CRACDL: variants seen among roughly 807,000 people sequenced by gnomAD.
The protein encoded by CRACDL is CRACD-like protein.
A neutral mutation model predicts 70.6 loss-of-function variants in CRACDL; 26 were observed. The observed-to-expected ratio is 0.37, with a 90% CI of 0.27 to 0.51. The LOEUF (loss-of-function observed/expected upper bound fraction) is 0.51, where lower values mean the gene tolerates loss of function less well. Ranked by LOEUF, CRACDL falls within the 20% of genes least tolerant of loss-of-function variation. The pLI is 0.94. For synonymous variants in CRACDL, 618 were observed against 615.2 expected, an observed-to-expected ratio of 1.00 and a Z score of -0.07; for missense variants, 1,283 against 1,376.9, an observed-to-expected ratio of 0.93 and a Z score of 1.08.
Position 98,838,115 on chromosome 2 carries a change from T to C in CRACDL, c.239+4A>G. The C allele has an allele frequency of 6.3e-7, 1 of 1,597,334 alleles. No homozygotes were observed. The highest frequency in any genetic ancestry group is 8.5e-7 in the Non-Finnish European group (1 of 1,173,312). ...TGGCCCGAGGGATGTAAAATGCAAC[T>C]TACTCCAGCTCATCCTCGGAGTCGT... On this transcript the variant is annotated splice_donor_region_variant and intron_variant, in intron 3 of 9. Coordinates refer to ENST00000397899, the MANE Select transcript of CRACDL (RefSeq NM_207362.3).
At chr2:98,799,065 C>T (rs1575316826) in intron 7 of CRACDL, among the ~76,000 whole-genome samples, 2 of 152,156 alleles carry the variant, frequency 1.3e-5, no homozygotes, top group African/African-American at 2.4e-5. Flanking sequence ...TTGCCTGCCA[C>T]GGGATAAAAC....
At chr2:98,891,630 C>A (rs1203448248) in intron 1 of CRACDL, among the ~76,000 whole-genome samples, 1 of 151,922 alleles carries the variant, frequency 6.6e-6, no homozygotes, top group African/African-American at 2.4e-5. Context: ...CAATGTAAAT[C>A]CTGGATATTT....
At chr2:98,815,995 T>C (rs1235848752) in intron 7 of CRACDL, among the ~76,000 whole-genome samples, 5 of 152,194 alleles carry the variant, frequency 3.3e-5, no homozygotes, top group South Asian at 2.1e-4. Flanking sequence ...TGGTGTTCAC[T>C]TGGAGTAGGG....
At chr2:98,880,077 A>G (rs987240899) in intron 1 of CRACDL, among the ~76,000 whole-genome samples, 1 of 152,234 alleles carries the variant, frequency 6.6e-6, no homozygotes, top group Non-Finnish European at 1.5e-5. Context: ...AGTACTTGGT[A>G]GGTGTTAAAT....
At chr2:98,857,689 T>C (rs1474921673) in intron 1 of CRACDL, among the ~76,000 whole-genome samples, 2 of 152,136 alleles carry the variant, frequency 1.3e-5, no homozygotes, top group African/African-American at 4.8e-5. Context: ...AAAATGGAAT[T>C]TGTAGATTTA....
At chr2:98,879,357 C>T (rs12467189) in intron 1 of CRACDL, among the ~76,000 whole-genome samples, 60,463 of 151,966 alleles carry the variant, frequency 0.4, 13,007 homozygotes, top group African/African-American at 0.56. Flanking sequence ...AGTTGATTTT[C>T]TTTGAACTGT....
chr2:98,835,656 T>C (rs1206150146), intron 3 of CRACDL, among the ~76,000 whole-genome samples: 2 of 152,042 alleles, frequency 1.3e-5, no homozygotes, highest in Admixed American at 6.5e-5. Context: ...CAGGAGTTGC[T>C]AGGGGGCCAC....
intron 7 of CRACDL, among the ~76,000 whole-genome samples, chr2:98,811,144 C>T (rs913282820): frequency 2.1e-4 from 32 of 152,004 alleles, no homozygotes; most frequent in Non-Finnish European, 1.0e-4. Flanking sequence ...TGGTGCGGTT[C>T]CCCCTGGGGA....
chr2:98,855,961 A>G (rs963158158), intron 1 of CRACDL, among the ~76,000 whole-genome samples: 6 of 152,202 alleles, frequency 3.9e-5, no homozygotes, highest in African/African-American at 1.4e-4. Flanking sequence ...AAAAATGAAC[A>G]GAGACTCAGA....
Position 98,823,208 on chromosome 2 carries a change from CG to C in CRACDL, c.1064del (p.Pro355ArgfsTer144). On this transcript the variant is annotated frameshift_variant, in exon 7 of 10. Coordinates refer to ENST00000397899, the MANE Select transcript of CRACDL (RefSeq NM_207362.3). LOFTEE classifies it high-confidence loss of function. The surrounding 1 kb of genome is among the most constrained non-coding windows in gnomAD (Gnocchi z 4.0). ...ESAPTLRVEP[P>X]SPPEGPPNPG... ...GATTCGGGGGGCCCTCCGGCGGGGA[CG>C]GGGGCTCCACGCGGAGAGTGGGGGC... The C allele has an allele frequency of 2.8e-6, 4 of 1,428,298 alleles. No homozygotes were observed. The highest frequency in any genetic ancestry group is 2.8e-5 in the Admixed American group (1 of 35,556). 88.5% of individuals were successfully genotyped at this position (1,428,298 alleles called of 1,614,324 possible).
intron 1 of CRACDL, among the ~76,000 whole-genome samples, chr2:98,857,125 T>C (rs560867051): frequency 2.0e-5 from 3 of 152,316 alleles, no homozygotes; most frequent in Non-Finnish European, 4.4e-5. Context: ...AGGTGCAATT[T>C]GCATAGTCAT....
intron 7 of CRACDL, among the ~76,000 whole-genome samples, chr2:98,817,538 G>GT (rs764054545): frequency 2.0e-5 from 3 of 152,180 alleles, no homozygotes; most frequent in Non-Finnish European, 4.4e-5. Flanking sequence ...GAAAATGGCT[G>GT]TGACATACAA....
intron 1 of CRACDL, among the ~76,000 whole-genome samples, chr2:98,890,498 A>T (rs1397084976): frequency 1.3e-5 from 2 of 152,234 alleles, no homozygotes; most frequent in Admixed American, 1.3e-4. Flanking sequence ...TTGAATTAAG[A>T]CTTTTAAAAC....
At chr2:98,911,692 G>A (rs543799300) in intron 1 of CRACDL, among the ~76,000 whole-genome samples, 23 of 152,220 alleles carry the variant, frequency 1.5e-4, no homozygotes, top group Admixed American at 3.3e-4. Context: ...TTGTGAACCC[G>A]AATGCTGGTG....
chr2:98,907,848 T>C (rs961276338), intron 1 of CRACDL, among the ~76,000 whole-genome samples: 9 of 152,226 alleles, frequency 5.9e-5, no homozygotes, highest in African/African-American at 2.2e-4. Context: ...AAGGTGACTC[T>C]GGTTGCTGCA....
intron 1 of CRACDL, among the ~76,000 whole-genome samples, chr2:98,854,359 T>TA (rs1477683769): frequency 7.3e-6 from 1 of 136,624 alleles, no homozygotes; most frequent in Non-Finnish European, 1.6e-5. Context: ...AAATATTAAA[T>TA]AAAAAATATA....
intron 1 of CRACDL, among the ~76,000 whole-genome samples, chr2:98,919,397 G>A (rs1708744349): frequency 6.6e-6 from 1 of 152,104 alleles, no homozygotes; most frequent in Non-Finnish European, 1.5e-5. Flanking sequence ...TCATTAAGAA[G>A]TTCATTCACA....
intron 7 of CRACDL, among the ~76,000 whole-genome samples, chr2:98,816,666 G>T (rs993755745): frequency 6.6e-6 from 1 of 152,120 alleles, no homozygotes; most frequent in Non-Finnish European, 1.5e-5. Context: ...AGGAGAGGTC[G>T]CTTTGTACTG....
chr2:98,893,075 T>C (rs1258735731), intron 1 of CRACDL, among the ~76,000 whole-genome samples: 2 of 152,282 alleles, frequency 1.3e-5, no homozygotes, highest in Non-Finnish European at 2.9e-5. Flanking sequence ...AGAAAGGCCC[T>C]TCCCAGGTGC....
Sources: gnomAD v4.1 joint callset for allele counts (sites outside exome capture counted in the v4.1 genomes callset) on GRCh38, gnomAD v4.1.1 for gene constraint, Gnocchi (gnomAD v3.1) non-coding constraint, MANE v1.5 for transcripts, NCBI Gene and HGNC (gene_info 2026-07-23, HGNC 2026-07-21) for gene names.